Variants in VAV2 observed in about 807,000 individuals in gnomAD.
VAV2 encodes guanine nucleotide exchange factor VAV2.
A neutral mutation model predicts 132.5 loss-of-function variants in VAV2; 67 were observed. The observed-to-expected ratio is 0.51, with a 90% confidence interval of 0.42 to 0.62. VAV2 has a LOEUF of 0.62. Ranked by LOEUF, VAV2 falls within the 20% of genes least tolerant of loss-of-function variation. The pLI is 0.00. For synonymous variants in VAV2, 492 were observed against 443.5 expected, an observed-to-expected ratio of 1.11 and a Z score of -1.37; for missense variants, 938 against 1,153.6, an observed-to-expected ratio of 0.81 and a Z score of 2.71.
intron 2 of VAV2, among the ~76,000 whole-genome samples, chr9:133,900,059 C>A (rs1839381508): frequency 6.7e-6 from 1 of 150,318 alleles, no homozygotes; most frequent in Non-Finnish European, 1.5e-5. Context: ...AATAGCTGGG[C>A]ATAGTGGCAC....
rs528419459 is a variant in VAV2, at chr9:133,879,742, G to A, written c.322-18310C>T. On this transcript the variant is annotated intron_variant, in intron 2 of 29. Transcript: ENST00000371850. This position sits in a 1 kb window ranked among gnomAD's most constrained non-coding sequence, Gnocchi z 4.4. ...TATCCGAGAATCCCTACCGCCTTGC[G>A]AGCTGCAAGTCCGATCTGTGCAATG... Among the ~76,000 whole-genome samples the A allele has an allele frequency of 2.6e-5, 4 of 152,004 alleles. No homozygotes were observed. The highest frequency in any genetic ancestry group is 1.3e-4 in the Admixed American group (2 of 15,252).
chr9:133,830,163 T>C (rs1409575546), intron 4 of VAV2, among the ~76,000 whole-genome samples: 2 of 152,074 alleles, frequency 1.3e-5, no homozygotes, highest in Admixed American at 6.5e-5. Context: ...AGCTGCAGAG[T>C]GTCTGGGGTC....
chr9:133,964,028 T>TAC (rs1564507377), intron 1 of VAV2, among the ~76,000 whole-genome samples: 1 of 72,858 alleles, frequency 1.4e-5, no homozygotes, highest in South Asian at 6.3e-4. Flanking sequence ...CATTCATATA[T>TAC]ATATATATAT....
At chr9:133,770,765 T>C (rs936909619) in intron 26 of VAV2, among the ~76,000 whole-genome samples, 17 of 152,288 alleles carry the variant, frequency 1.1e-4, no homozygotes, top group African/African-American at 4.1e-4. Context: ...ACAGCCTTTA[T>C]AAAGGAAAGA....
chr9:133,940,753 C>T (rs894847875), intron 1 of VAV2, among the ~76,000 whole-genome samples: 1 of 150,838 alleles, frequency 6.6e-6, no homozygotes, highest in Non-Finnish European at 1.5e-5. Context: ...CTCCTTTATC[C>T]CTAAATACCT....
chr9:133,812,275 G>T (rs1564370863), intron 4 of VAV2, 59 bp from the exon 5 acceptor site: 4 of 1,557,248 alleles, frequency 2.6e-6, no homozygotes, highest in Non-Finnish European at 3.5e-6. Flanking sequence ...TGACCGGGGA[G>T]CCGCAGAGCA....
At chr9:133,837,628 G>A (rs1836522894) in intron 3 of VAV2, among the ~76,000 whole-genome samples, 1 of 151,910 alleles carries the variant, frequency 6.6e-6, no homozygotes, top group Admixed American at 6.5e-5. Context: ...GAACCCGGGA[G>A]GCGGAGGTTG....
intron 7 of VAV2, among the ~76,000 whole-genome samples, 196 bp downstream of exon 7, chr9:133,808,844 T>C (rs1835253347): frequency 6.6e-6 from 1 of 152,142 alleles, no homozygotes; most frequent in South Asian, 2.1e-4. Context: ...CTTCAGGGGC[T>C]TCAGAGGAAA....
In VAV2 at chr9:133,788,501, G is replaced by A. The variant is rs187701131; in HGVS notation, c.1275-15C>T. 41 of 1,601,750 alleles carry A rather than the reference G, an allele frequency of 2.6e-5. 1 individual carries two copies. The African/African-American group carries it at 3.9e-4, about 15-fold the overall frequency. ...GGAACAAGTACCTGGGCCAGGCAGC[G>A]CAGCGGGGGATCAGCACCCCAGCAC... On this transcript the variant is annotated splice_polypyrimidine_tract_variant and intron_variant, in intron 14 of 29. Transcript: ENST00000371850. This position sits in a 1 kb window ranked among gnomAD's most constrained non-coding sequence, Gnocchi z 5.3.
Position 133,823,066 on chromosome 9 carries a change from C to T in VAV2, c.450-10850G>A, listed in dbSNP as rs1249516249. 6.6e-6 allele frequency among the ~76,000 whole-genome samples: 1 copy of T among 152,186 alleles called. No individual in the cohort carries two copies. The highest frequency in any genetic ancestry group is 1.5e-5 in the Non-Finnish European group (1 of 68,036). On this transcript the variant is annotated intron_variant, in intron 4 of 29. Coordinates refer to ENST00000371850, the MANE Select transcript of VAV2 (RefSeq NM_001134398.2). The surrounding 1 kb of genome is among the most constrained non-coding windows in gnomAD (Gnocchi z 5.5). ...GACAGGAGCAGGGATTGTCGAACAG[C>T]GTATGGACCTATGGCTCAGATCCTC...
rs567136467 is a variant in VAV2 at position 133,919,025 on chromosome 9, G to A, written c.321+20078C>T. On this transcript the variant is annotated intron_variant, in intron 2 of 29. Coordinates refer to ENST00000371850, the MANE Select transcript of VAV2 (RefSeq NM_001134398.2). This position sits in a 1 kb window ranked among gnomAD's most constrained non-coding sequence, Gnocchi z 5.8. ...CCTGACCTTGTGATCCTCCCACCTC[G>A]GCCTCCCAAAGTGCTGGGATTACAG... Among the ~76,000 whole-genome samples, 106 of 152,000 alleles carry A rather than the reference G, an allele frequency of 7.0e-4. No individual in the cohort carries two copies. Among genetic ancestry groups the A allele is most frequent in the African/African-American group, 2.4e-3 (98 of 41,450 alleles).
rs1833583551 is a variant in VAV2 at position 133,770,479 on chromosome 9, C to T, written c.2246G>A (p.Cys749Tyr). The T allele has an allele frequency of 9.9e-6, 16 of 1,614,080 alleles. No individual in the cohort carries two copies. Among genetic ancestry groups the T allele is most frequent in the African/African-American group, 1.3e-5 (1 of 75,050 alleles). Reference protein sequence around the residue: ...SLLELVEYYQCHSLKESFKQL... With the variant: ...SLLELVEYYQYHSLKESFKQL... ...CTTGAAGCTCTCCTTCAGTGAGTGGCACTGGTAGTACTCCACCAACTCCTG... is the reference window on the plus strand; with the variant it reads ...CTTGAAGCTCTCCTTCAGTGAGTGGTACTGGTAGTACTCCACCAACTCCTG... The change falls in exon 27 of 30, where the codon TGC (cysteine) becomes TAC (tyrosine). Residue 749 changes from cysteine to tyrosine, a missense_variant. Cys to Tyr is a radical substitution (Grantham distance 194, BLOSUM62 -2). Coordinates refer to ENST00000371850, the MANE Select transcript of VAV2 (RefSeq NM_001134398.2).
At chr9:133,791,917 G>T in intron 12 of VAV2, 48 bp from the exon 13 acceptor site, 1 of 1,439,018 alleles carries the variant, frequency 6.9e-7, no homozygotes, top group Non-Finnish European at 9.7e-7. Context: ...GGTGGGGTGT[G>T]TGTGACTGTG....
intron 1 of VAV2, among the ~76,000 whole-genome samples, chr9:133,970,624 C>T (rs1031709658): frequency 2.6e-5 from 4 of 152,200 alleles, no homozygotes; most frequent in Admixed American, 1.3e-4. Context: ...GCCTTGCTGG[C>T]CCAGCACCTC....
In VAV2 at chr9:133,766,759, AATATATATATATATAT is replaced by A. The variant is rs373267933; in HGVS notation, c.2589+1667_2589+1682del. Among the ~76,000 whole-genome samples, 83 of 112,114 alleles carry A rather than the reference AATATATATATATATAT, an allele frequency of 7.4e-4. 3 individuals carry two copies. Among genetic ancestry groups the A allele is most frequent in the Non-Finnish European group, 8.3e-4 (46 of 55,624 alleles). The allele number at this position is 112,114 out of a possible 152,430, so 73.6% of individuals were successfully genotyped here. A position where few individuals can be genotyped will look rare whatever the true frequency, so the allele number is the denominator to read the frequency against. Reference sequence around the variant, plus strand: ...TACCCTAGAACTTAAAGTATAAATAAATATATATATATATATATATATATATATCCCAAAAACAAAA... The same window carrying A: ...TACCCTAGAACTTAAAGTATAAATAAATATATATATATCCCAAAAACAAAA... On this transcript the variant is annotated intron_variant, in intron 29 of 29. Coordinates refer to ENST00000371850, the MANE Select transcript of VAV2 (RefSeq NM_001134398.2).
intron 29 of VAV2, 75 bp from the exon 30 acceptor site, chr9:133,764,184 G>A: frequency 6.3e-7 from 1 of 1,585,620 alleles, no homozygotes; most frequent in Non-Finnish European, 8.6e-7. Flanking sequence ...CTATGTTGGG[G>A]TGAGGGCAAG....
At chr9:133,933,513 T>G (rs1228136476) in intron 2 of VAV2, among the ~76,000 whole-genome samples, 1 of 146,954 alleles carries the variant, frequency 6.8e-6, no homozygotes, top group African/African-American at 2.6e-5. Context: ...GGTGAATGGA[T>G]GGATGAATGA....
chr9:133,773,886 G>C (rs370698067), intron 25 of VAV2, among the ~76,000 whole-genome samples: 32 of 152,104 alleles, frequency 2.1e-4, no homozygotes, highest in African/African-American at 7.7e-4. Context: ...TATATGACTG[G>C]CAGCACTGTA....
intron 2 of VAV2, among the ~76,000 whole-genome samples, chr9:133,931,054 G>T (rs1840669995): frequency 6.6e-6 from 1 of 152,240 alleles, no homozygotes; most frequent in South Asian, 2.1e-4. Flanking sequence ...CCCGAGTGAG[G>T]CTGGAGTGAA....
Sources: gnomAD v4.1 joint callset for allele counts (sites outside exome capture counted in the v4.1 genomes callset) on GRCh38, gnomAD v4.1.1 for gene constraint, Gnocchi (gnomAD v3.1) non-coding constraint, MANE v1.5 for transcripts, NCBI Gene and HGNC (gene_info 2026-07-23, HGNC 2026-07-21) for gene names.